The following DLG2 variants were observed in gnomAD, a reference collection of about 807,000 sequenced individuals.
DLG2 encodes the protein discs large MAGUK scaffold protein 2.
In DLG2, 45 loss-of-function variants were observed where a neutral mutation model predicts 132.5. That is an observed-to-expected ratio of 0.34 (90% CI 0.27 to 0.44). DLG2 has a LOEUF of 0.44. DLG2 is among the 20% of genes least tolerant of loss of function. The pLI is 1.00. For missense variants in DLG2, 1,045 were observed against 1,196.9 expected (o/e 0.87, Z 1.87); for synonymous variants, 424 against 419.6 (o/e 1.01, Z -0.13).
chr11:83,986,904 G>A (rs2093360307), intron 11 of DLG2, among the ~76,000 whole-genome samples: 1 of 152,070 alleles, frequency 6.6e-6, no homozygotes, highest in African/African-American at 2.4e-5. Context: ...TTTTGATGGG[G>A]TTGTTTGTCT....
In DLG2 at chr11:84,309,161, T is replaced by C. The variant is rs186549105; in HGVS notation, c.520-57870A>G. On this transcript the variant is annotated intron_variant, in intron 7 of 27. Transcript: ENST00000376104. The stretch of plus-strand genomic sequence containing the variant: ...ACCCCAGGAACATACAATTTACTCA[T>C]GTAACAAACCTGCACATGCACCCCC... Among the ~76,000 whole-genome samples, 66 of 152,308 alleles carry C rather than the reference T, an allele frequency of 4.3e-4. 1 individual carries two copies. The East Asian group carries it at 0.011, about 26-fold the overall frequency.
At chr11:85,341,821 T>C (rs1358262141) in intron 3 of DLG2, among the ~76,000 whole-genome samples, 5 of 152,218 alleles carry the variant, frequency 3.3e-5, no homozygotes, top group African/African-American at 1.2e-4. Flanking sequence ...CACTATATGG[T>C]GTAGCTTATT....
Position 84,241,657 on chromosome 11 carries a change from T to C in DLG2, c.573+9581A>G, listed in dbSNP as rs570100860. Among the ~76,000 whole-genome samples the C allele has an allele frequency of 4.7e-4, 72 of 152,306 alleles. No homozygotes were observed. In the South Asian group the frequency reaches 7.0e-3, roughly 15 times the overall value. ...ATTCAGATTCATGCTAAATGTCTGATCATTGTGCCTTAGATATGTTTATTT... is the reference window on the plus strand; with the variant it reads ...ATTCAGATTCATGCTAAATGTCTGACCATTGTGCCTTAGATATGTTTATTT... On this transcript the variant is annotated intron_variant, in intron 8 of 27. Coordinates refer to ENST00000376104, the MANE Select transcript of DLG2 (RefSeq NM_001142699.3).
chr11:83,919,843 G>A lies in DLG2; in HGVS notation c.1496+10485C>T, dbSNP rs143169614. Among the ~76,000 whole-genome samples the A allele has an allele frequency of 2.1e-3, 314 of 152,272 alleles. 1 individual carries two copies. Among genetic ancestry groups the A allele is most frequent in the African/African-American group, 6.9e-3 (286 of 41,562 alleles). ...GATGGAATAATATCTTTACAATTAT[G>A]CCGGAGGCATAGGAAAGAAAACAGA... On this transcript the variant is annotated intron_variant, in intron 15 of 27. Transcript: ENST00000376104.
intron 21 of DLG2, among the ~76,000 whole-genome samples, chr11:83,526,071 CA>C (rs1187126942): frequency 2.0e-5 from 3 of 152,170 alleles, no homozygotes; most frequent in Non-Finnish European, 2.9e-5. Context: ...ATGCCAGCTG[CA>C]GTTTGATTTT....
chr11:85,482,286 C>G (rs1180867422), intron 3 of DLG2, among the ~76,000 whole-genome samples: 1 of 152,148 alleles, frequency 6.6e-6, no homozygotes, highest in African/African-American at 2.4e-5. Context: ...TCCTATGGCC[C>G]CAGGCTTCTA....
chr11:84,747,126 A>G (rs527944122), intron 6 of DLG2, among the ~76,000 whole-genome samples: 48 of 152,302 alleles, frequency 3.2e-4, no homozygotes, highest in African/African-American at 9.9e-4. Flanking sequence ...GTAGTTGAGG[A>G]ATAAATACTT....
Position 84,400,287 on chromosome 11 carries a change from G to C in DLG2, c.519+134283C>G, listed in dbSNP as rs1365092808. On this transcript the variant is annotated intron_variant, in intron 7 of 27. Coordinates refer to ENST00000376104, the MANE Select transcript of DLG2 (RefSeq NM_001142699.3). The stretch of plus-strand genomic sequence containing the variant: ...TGATATATTACATCTACCCAAAGTA[G>C]GCATATTTCATAAAGTAAACATGTT... Among the ~76,000 whole-genome samples the C allele has an allele frequency of 2.0e-5, 3 of 152,114 alleles. No homozygotes were observed. In the East Asian group the frequency reaches 5.8e-4, roughly 29 times the overall value.
intron 3 of DLG2, among the ~76,000 whole-genome samples, chr11:85,551,723 A>G (rs562706143): frequency 3.3e-5 from 5 of 152,246 alleles, no homozygotes; most frequent in Admixed American, 2.6e-4. Flanking sequence ...TTTTGTTTCA[A>G]TAATAAGAGT....
intron 18 of DLG2, among the ~76,000 whole-genome samples, chr11:83,712,025 G>C (rs761949437): frequency 6.6e-6 from 1 of 152,126 alleles, no homozygotes; most frequent in Non-Finnish European, 1.5e-5. Context: ...ATCTTGGTGA[G>C]GTTGCAGGAA....
At chr11:85,554,446 G>C (rs2076825871) in intron 3 of DLG2, among the ~76,000 whole-genome samples, 1 of 151,848 alleles carries the variant, frequency 6.6e-6, no homozygotes, top group Non-Finnish European at 1.5e-5. Flanking sequence ...CAAAGATTAT[G>C]ACAGTGAAAG....
At chr11:85,058,286 A>T (rs1205397663) in intron 6 of DLG2, among the ~76,000 whole-genome samples, 1 of 151,622 alleles carries the variant, frequency 6.6e-6, no homozygotes, top group Admixed American at 6.6e-5. Flanking sequence ...TTTAAAAATG[A>T]TACAGTTTTT....
intron 6 of DLG2, among the ~76,000 whole-genome samples, chr11:85,037,850 G>A (rs75254308): frequency 0.02 from 2,988 of 152,202 alleles, 53 homozygotes; most frequent in Admixed American, 0.042. Flanking sequence ...GTACATCTCT[G>A]TATGAATACA....
At chr11:85,368,758 A>G (rs141540154) in intron 3 of DLG2, among the ~76,000 whole-genome samples, 67 of 152,346 alleles carry the variant, frequency 4.4e-4, no homozygotes, top group Middle Eastern at 6.8e-3. Flanking sequence ...TCCCAAAGGT[A>G]GACAGCTTCT....
At chr11:83,910,034 G>T (rs1463665445) in intron 15 of DLG2, among the ~76,000 whole-genome samples, 1 of 152,108 alleles carries the variant, frequency 6.6e-6, no homozygotes, top group East Asian at 1.9e-4. Context: ...ACAGGATGGA[G>T]AATTTTATCT....
rs145056759 is a variant in DLG2 at position 84,536,351 on chromosome 11, C to T, written c.358-1620G>A. Among the ~76,000 whole-genome samples, 1,385 of 152,138 alleles carry T rather than the reference C, an allele frequency of 9.1e-3. 12 individuals carry two copies. The highest frequency in any genetic ancestry group is 0.011 in the Non-Finnish European group (733 of 68,002). ...TGAATCCTCTTTCAGTTATCATCAG[C>T]CTCTCCTCTACCCCATAAAGAGATG... is the stretch of plus-strand genomic sequence containing the variant. On this transcript the variant is annotated intron_variant, in intron 6 of 27. Coordinates refer to ENST00000376104, the MANE Select transcript of DLG2 (RefSeq NM_001142699.3).
chr11:84,141,966 C>A (rs939829458), intron 9 of DLG2, among the ~76,000 whole-genome samples: 2 of 151,940 alleles, frequency 1.3e-5, no homozygotes, highest in African/African-American at 4.8e-5. Flanking sequence ...TTTTGCTGTA[C>A]CCCAAATATA....
chr11:85,623,360 A>G (rs1357382388), intron 2 of DLG2, among the ~76,000 whole-genome samples: 2 of 152,050 alleles, frequency 1.3e-5, no homozygotes, highest in African/African-American at 4.8e-5. Flanking sequence ...GTTGGAGTGC[A>G]GCGGCACAGT....
chr11:85,551,605 AAATT>A (rs1014751604), intron 3 of DLG2, among the ~76,000 whole-genome samples: 1 of 152,092 alleles, frequency 6.6e-6, no homozygotes, highest in Non-Finnish European at 1.5e-5. Context: ...ATTGACATTC[AAATT>A]AATAACATTA....
Sources: gnomAD v4.1 joint callset for allele counts (sites outside exome capture counted in the v4.1 genomes callset) on GRCh38, gnomAD v4.1.1 for gene constraint, MANE v1.5 for transcripts, NCBI Gene and HGNC (gene_info 2026-07-23, HGNC 2026-07-21) for gene names.